Variants in NLRP5 observed in about 807,000 individuals in gnomAD.
NLRP5 encodes NACHT, LRR and PYD domains-containing protein 5.
In NLRP5, 93 loss-of-function variants were observed where a neutral mutation model predicts 113.1. That is an observed-to-expected ratio of 0.82 (90% CI 0.70 to 0.98). The LOEUF (loss-of-function observed/expected upper bound fraction) is 0.98. Among genes scored for constraint, NLRP5 ranks in the 50% least tolerant of loss-of-function variants. The pLI, the probability that NLRP5 is intolerant of heterozygous loss-of-function variation, is 0.00. For synonymous variants in NLRP5, 751 were observed against 600.7 expected (o/e 1.25, Z -3.66); for missense variants, 1,808 against 1,514.3 (o/e 1.19, Z -3.22).
chr19:56,045,204 C>T (rs1003202781), intron 11 of NLRP5, among the ~76,000 whole-genome samples: 7 of 152,102 alleles, frequency 4.6e-5, no homozygotes, highest in Non-Finnish European at 8.8e-5. Context: ...ATCTTTCTCT[C>T]GTCTGATTAC....
At chr19:56,055,271 C>T (rs952794835) in intron 13 of NLRP5, among the ~76,000 whole-genome samples, 30 of 151,806 alleles carry the variant, frequency 2.0e-4, no homozygotes, top group Non-Finnish European at 4.0e-4. Context: ...GGATGACAGG[C>T]GTGAGCCACC....
chr19:56,013,596 G>GTTTTTTTT (rs71183002), intron 3 of NLRP5, among the ~76,000 whole-genome samples: 986 of 59,002 alleles, frequency 0.017, 134 homozygotes, highest in African/African-American at 0.033. Context: ...GGACATTTGG[G>GTTTTTTTT]TTTTTTTTTT....
At chr19:56,005,464 C>G (rs1307449409) in intron 2 of NLRP5, among the ~76,000 whole-genome samples, 1 of 146,358 alleles carries the variant, frequency 6.8e-6, no homozygotes, top group East Asian at 2.0e-4. Flanking sequence ...TATATACACA[C>G]ACACATATTT....
intron 5 of NLRP5, among the ~76,000 whole-genome samples, chr19:56,019,702 T>A (rs1299179144): frequency 6.6e-6 from 1 of 152,188 alleles, no homozygotes; most frequent in Non-Finnish European, 1.5e-5. Context: ...CCAAGAGTAG[T>A]CAAATGCTGT....
intron 1 of NLRP5, among the ~76,000 whole-genome samples, chr19:56,002,671 T>G (rs1407584396): frequency 1.4e-5 from 2 of 147,668 alleles, no homozygotes; most frequent in African/African-American, 5.1e-5. Context: ...TGTGTCCAAG[T>G]GTACTCATTG....
chr19:56,004,891 G>A (rs192760550), intron 2 of NLRP5, among the ~76,000 whole-genome samples: 5 of 151,788 alleles, frequency 3.3e-5, no homozygotes, highest in Non-Finnish European at 5.9e-5. Context: ...TCAAGAGATC[G>A]AGACCAGCCT....
chr19:56,039,850 G>C (rs552759677), intron 10 of NLRP5, among the ~76,000 whole-genome samples: 1 of 152,256 alleles, frequency 6.6e-6, no homozygotes, highest in East Asian at 1.9e-4. Flanking sequence ...GGAGGCGTAG[G>C]TTGTGGTGAG....
chr19:56,013,354 A>G (rs1259038761), intron 3 of NLRP5, among the ~76,000 whole-genome samples: 1 of 151,812 alleles, frequency 6.6e-6, no homozygotes, highest in East Asian at 1.9e-4. Context: ...CACTACACCC[A>G]GCTAATTTTT....
Position 56,027,895 on chromosome 19 carries a change from A to G in NLRP5, c.1662A>G (p.Gln554=). The G allele has an allele frequency of 6.2e-7, 1 of 1,613,860 alleles. No homozygotes were observed. Among genetic ancestry groups the G allele is most frequent in the Non-Finnish European group, 8.5e-7 (1 of 1,179,838 alleles). Residue 554 remains glutamine (Q), a synonymous_variant, in exon 7 of 15, where the codon CAA becomes CAG. Coordinates refer to ENST00000390649, the MANE Select transcript of NLRP5 (RefSeq NM_153447.4). ...TTGACGGTGACGACCTCATGGTTCAAGGACTCGGGGAGTCTGAGCTCCGTG... is the reference window on the plus strand; with the variant it reads ...TTGACGGTGACGACCTCATGGTTCAGGGACTCGGGGAGTCTGAGCTCCGTG...
intron 8 of NLRP5, among the ~76,000 whole-genome samples, chr19:56,033,302 T>C (rs1983194157): frequency 6.6e-6 from 1 of 152,098 alleles, no homozygotes. Flanking sequence ...GCAGGCTCCT[T>C]GACACCAGGT....
In NLRP5 at chr19:56,058,296, C is replaced by A. The variant is rs772981506; in HGVS notation, c.3356C>A (p.Ser1119Tyr). 1 of 1,613,950 alleles carries A rather than the reference C, an allele frequency of 6.2e-7. No homozygotes were observed. Among genetic ancestry groups the A allele is most frequent in the Non-Finnish European group, 8.5e-7 (1 of 1,179,860 alleles). ...TGTGAGGCACTCTCCTTGGCCCTTT[C>A]CTGCAACCGGCATCTGACCAGTCTA... The change falls in exon 14 of 15, where the codon TCC becomes TAC. Residue 1119 changes from serine (S) to tyrosine (Y), a missense_variant. Ser to Tyr is a moderately radical substitution (Grantham distance 144). Transcript: ENST00000390649.
In NLRP5 at chr19:56,058,342, C is replaced by A. The variant is rs1293884969; in HGVS notation, c.3402C>A (p.Phe1134Leu). The A allele has an allele frequency of 1.2e-6, 2 of 1,614,068 alleles. No homozygotes were observed. The highest frequency in any genetic ancestry group is 3.3e-4 in the Middle Eastern group (2 of 6,062). Residue 1134 changes from phenylalanine to leucine, a missense_variant, in exon 14 of 15, where the codon TTC becomes TTA. Transcript: ENST00000390649. ...GTCTAAACCTGGTGCAGAATAACTT[C>A]AGTCCCAAAGGAATGATGAAGCTGT...
the NLRP5 span, among the ~76,000 whole-genome samples, chr19:55,987,351 CAG>C: frequency 1.6e-3 from 249 of 152,356 alleles, no homozygotes; most frequent in Admixed American, 3.6e-3. Context: ...GCGTGGGTGA[CAG>C]AGTGAGACTT....
chr19:56,035,347 T>C (rs924737157), intron 9 of NLRP5, among the ~76,000 whole-genome samples: 4 of 152,208 alleles, frequency 2.6e-5, no homozygotes, highest in Admixed American at 2.6e-4. Flanking sequence ...AACTGCACTT[T>C]AAGAAGATGT....
chr19:56,044,771 C>T (rs541971605), intron 11 of NLRP5, among the ~76,000 whole-genome samples: 2 of 152,018 alleles, frequency 1.3e-5, no homozygotes, highest in African/African-American at 4.8e-5. Flanking sequence ...ATGGGGATTG[C>T]GTTGAATTTT....
intron 3 of NLRP5, 115 bp downstream of exon 3, chr19:56,008,968 A>C: frequency 1.1e-6 from 1 of 881,606 alleles, no homozygotes; most frequent in South Asian, 1.4e-5. Context: ...TTTCTAGTCT[A>C]ACTACCCTAC....
chr19:56,020,722 T>C (rs1380907964), intron 6 of NLRP5, among the ~76,000 whole-genome samples: 1 of 148,782 alleles, frequency 6.7e-6, no homozygotes, highest in Non-Finnish European at 1.5e-5. Context: ...GTTAAACATA[T>C]GGCCAAGAGT....
At chr19:55,994,600 G>T in the NLRP5 span, among the ~76,000 whole-genome samples, 5 of 152,196 alleles carry the variant, frequency 3.3e-5, no homozygotes, top group Admixed American at 6.5e-5. Context: ...GTTTCACCAT[G>T]TTGGCCAGGA....
chr19:56,059,810 C>T (rs1225465014), intron 14 of NLRP5, among the ~76,000 whole-genome samples: 1 of 152,238 alleles, frequency 6.6e-6, no homozygotes, highest in Non-Finnish European at 1.5e-5. Flanking sequence ...CAGGCATGAG[C>T]CACCACGCCC....
Sources: allele counts gnomAD v4.1 joint callset (sites outside exome capture counted in the v4.1 genomes callset), GRCh38; gene constraint gnomAD v4.1.1; transcripts MANE v1.5; gene names NCBI Gene and HGNC (gene_info 2026-07-23, HGNC 2026-07-21).